The following USP18 variants were observed in gnomAD, a reference collection of about 807,000 sequenced individuals.
USP18 encodes ubiquitin specific peptidase 18.
A neutral mutation model predicts 48.7 loss-of-function variants in USP18; 11 were observed. The ratio of observed to expected loss-of-function variants is 0.23; its 90% CI spans 0.14 to 0.37. The LOEUF (loss-of-function observed/expected upper bound fraction) is 0.37. Among genes scored for constraint, USP18 ranks in the 10% least tolerant of loss-of-function variants. The probability of loss-of-function intolerance (pLI) is 1.00; values close to 1 mark genes in which losing one functional copy is unlikely to be tolerated. For synonymous variants in USP18, 114 were observed against 163.2 expected (o/e 0.70, Z 2.30); for missense variants, 285 against 436.4 (o/e 0.65, Z 3.09).
intron 5 of USP18, among the ~76,000 whole-genome samples, 178 bp from the exon 6 acceptor site, chr22:18,167,712 A>G (rs1348762908): frequency 2.0e-5 from 3 of 151,688 alleles, no homozygotes; most frequent in Non-Finnish European, 4.4e-5. Context: ...AAAAAAAAAA[A>G]AAAAAGAAAA....
At chr22:18,151,870 C>G (rs935947442) in intron 1 of USP18, among the ~76,000 whole-genome samples, 6 of 152,118 alleles carry the variant, frequency 3.9e-5, no homozygotes, top group African/African-American at 1.4e-4. Context: ...TCCTAGCTAA[C>G]ACGGTGCAAA....
chr22:18,173,714 G>C (rs1478964934), intron 9 of USP18, 79 bp from the exon 10 acceptor site: 10 of 1,590,506 alleles, frequency 6.3e-6, no homozygotes, highest in Admixed American at 3.4e-5. Context: ...TGGAGGATGA[G>C]GGGCACATTA....
At position 18,161,905 on chromosome 22, in the gene USP18, G is replaced by A. The variant is rs1435520995; in HGVS notation, c.370G>A (p.Ala124Thr). Residue 124 changes from alanine to threonine, a missense_variant, in exon 4 of 11, where the codon GCC (alanine) becomes ACC (threonine). Physicochemically the swap from Ala to Thr is moderately conservative, Grantham distance 58. Around this residue, in one of 5 missense-constraint regions of USP18, gnomAD observed 199 missense variants for 239.6 expected, o/e 0.83. Transcript: ENST00000215794. ...RQKAVRPLEL[A>T]YCLQKCNVPL... Reference sequence around the variant, plus strand: ...GAAAGCAGTGCGGCCCCTGGAGCTGGCCTACTGCCTGCAGAAGTGCAACGT... The same window carrying A: ...GAAAGCAGTGCGGCCCCTGGAGCTGACCTACTGCCTGCAGAAGTGCAACGT... The A allele has an allele frequency of 6.2e-7, 1 of 1,613,742 alleles. No homozygotes were observed. Among genetic ancestry groups the A allele is most frequent in the Admixed American group, 1.7e-5 (1 of 59,966 alleles).
intron 2 of USP18, among the ~76,000 whole-genome samples, chr22:18,159,181 G>A (rs139390476): frequency 1.5e-3 from 228 of 151,256 alleles, no homozygotes; most frequent in African/African-American, 4.8e-3. Flanking sequence ...TCAGCCTCCC[G>A]AGTAGCTGGG....
At chr22:18,169,763 G>A in intron 6 of USP18, 81 bp from the exon 7 acceptor site, 3 of 1,450,228 alleles carry the variant, frequency 2.1e-6, no homozygotes, top group Non-Finnish European at 2.8e-6. Flanking sequence ...TTGTCTCACA[G>A]CAGTGTGAGA....
intron 8 of USP18, 38 bp from the exon 9 acceptor site, chr22:18,173,112 G>C (rs2123742689): frequency 1.9e-6 from 3 of 1,602,956 alleles, no homozygotes; most frequent in Non-Finnish European, 2.6e-6. Flanking sequence ...TCGTGTTTGT[G>C]GTGGTGGGTG....
chr22:18,165,634 G>A (rs1361104282), intron 4 of USP18, among the ~76,000 whole-genome samples: 2 of 151,986 alleles, frequency 1.3e-5, no homozygotes, highest in African/African-American at 4.8e-5. Context: ...GGCTGATGGA[G>A]GTTTGATTGA....
intron 5 of USP18, 79 bp from the exon 6 acceptor site, chr22:18,167,811 T>C: frequency 6.6e-7 from 1 of 1,511,044 alleles, no homozygotes; most frequent in Non-Finnish European, 8.9e-7. Flanking sequence ...TTCTGTCTCT[T>C]GGCTCCACCT....
intron 5 of USP18, among the ~76,000 whole-genome samples, chr22:18,167,566 C>T (rs1247612766): frequency 1.3e-5 from 2 of 151,810 alleles, no homozygotes; most frequent in African/African-American, 4.8e-5. Context: ...GGCGTGGTGG[C>T]GGGAGCCTGT....
chr22:18,150,812 C>T (rs1458600122), intron 1 of USP18, among the ~76,000 whole-genome samples: 1 of 152,082 alleles, frequency 6.6e-6, no homozygotes, highest in East Asian at 1.9e-4. Flanking sequence ...ATTAGCCTGG[C>T]GTGGTGGCGC....
At chr22:18,157,849 C>T (rs1929212182) in intron 2 of USP18, 29 bp downstream of exon 2, 1 of 1,613,014 alleles carries the variant, frequency 6.2e-7, no homozygotes, top group South Asian at 1.1e-5. Context: ...TTTTCCTCTT[C>T]TTGACTGCAT....
intron 1 of USP18, among the ~76,000 whole-genome samples, chr22:18,154,878 C>T (rs1228067433): frequency 1.3e-5 from 2 of 152,204 alleles, no homozygotes; most frequent in African/African-American, 4.8e-5. Context: ...AGCCAGTCTT[C>T]ATTGCCTGGC....
At chr22:18,156,359 C>T (rs1012969798) in intron 1 of USP18, among the ~76,000 whole-genome samples, 1 of 152,328 alleles carries the variant, frequency 6.6e-6, no homozygotes, top group Middle Eastern at 3.4e-3. Flanking sequence ...GCAGTGGCAA[C>T]CTGGTCAGGT....
chr22:18,155,791 C>T (rs935106719), intron 1 of USP18, among the ~76,000 whole-genome samples: 1 of 152,352 alleles, frequency 6.6e-6, no homozygotes, highest in Non-Finnish European at 1.5e-5. Context: ...GGCTCCTGTG[C>T]GGACCAAGCC....
At chr22:18,160,839 G>A (rs1929311969) in intron 3 of USP18, among the ~76,000 whole-genome samples, 2 of 145,754 alleles carry the variant, frequency 1.4e-5, no homozygotes, top group Admixed American at 7.0e-5. Context: ...GTGCAATCTC[G>A]GCTCACTGGA....
rs372184023 is a variant in USP18, at chr22:18,167,874, G to A, written c.481-16G>A. 2.4e-5 allele frequency: 38 copies of A among 1,610,300 alleles called. No individual in the cohort carries two copies. The highest frequency in any genetic ancestry group is 3.1e-5 in the Non-Finnish European group (36 of 1,177,008). On this transcript the variant is annotated splice_polypyrimidine_tract_variant and intron_variant, in intron 5 of 10. Coordinates refer to ENST00000215794, the MANE Select transcript of USP18 (RefSeq NM_017414.4). The stretch of plus-strand genomic sequence containing the variant: ...GGTGGTGTTCCCATCTCACCTCTCC[G>A]CTCTCCCTCTTGCAGGTGGAGAGAC...
At chr22:18,155,108 G>A (rs1371655497) in intron 1 of USP18, among the ~76,000 whole-genome samples, 2 of 152,262 alleles carry the variant, frequency 1.3e-5, no homozygotes, top group African/African-American at 2.4e-5. Context: ...ACTGGGGCAC[G>A]CCCAAGACCC....
intron 1 of USP18, among the ~76,000 whole-genome samples, chr22:18,156,994 G>T (rs925295401): frequency 6.6e-6 from 1 of 152,246 alleles, no homozygotes; most frequent in Non-Finnish European, 1.5e-5. Context: ...CACTGAGGCT[G>T]AGACAATATT....
rs1405442579 is a variant in USP18, at chr22:18,169,780, G to A, written c.628-64G>A. The A allele has an allele frequency of 5.9e-6, 9 of 1,536,768 alleles. No individual in the cohort carries two copies. The East Asian group carries it at 2.0e-4, about 33-fold the overall frequency. On this transcript the variant is annotated intron_variant, in intron 6 of 10. Transcript: ENST00000215794. ...GTCTCACAGCAGTGTGAGAACAGAT[G>A]AATATAGTATTCTAGGTGGGAAATA...
Sources: allele counts gnomAD v4.1 joint callset (sites outside exome capture counted in the v4.1 genomes callset), GRCh38; gene constraint gnomAD v4.1.1; regional missense constraint gnomAD v4.1.1; transcripts MANE v1.5; gene names NCBI Gene and HGNC (gene_info 2026-07-23, HGNC 2026-07-21).